Variants in RP1 observed in about 807,000 individuals in gnomAD.
The protein encoded by RP1 is RP1 axonemal microtubule associated, also known as oxygen-regulated protein 1.
A neutral mutation model predicts 14.8 loss-of-function variants in RP1; 16 were observed. The observed-to-expected ratio is 1.08, with a 90% confidence interval of 0.73 to 1.65. The LOEUF (loss-of-function observed/expected upper bound fraction) is 1.65. Among genes scored for constraint, RP1 ranks in the 40% most tolerant of loss-of-function variants. RP1 has a pLI of 0.00. For missense variants in RP1, 2,631 were observed against 2,535.0 expected, an observed-to-expected ratio of 1.04 and a Z score of -0.81; for synonymous variants, 876 against 883.6, an observed-to-expected ratio of 0.99 and a Z score of 0.15.
intron 27 of RP1, among the ~76,000 whole-genome samples, chr8:54,863,016 C>A (rs1812379829): frequency 1.4e-5 from 2 of 141,144 alleles, no homozygotes; most frequent in Non-Finnish European, 1.5e-5. Flanking sequence ...TTAAGAAAGT[C>A]TTCTCTACCC....
intron 19 of RP1, among the ~76,000 whole-genome samples, chr8:54,745,527 T>C (rs933231659): frequency 6.6e-6 from 1 of 152,186 alleles, no homozygotes; most frequent in South Asian, 2.1e-4. Flanking sequence ...GTGAAACAAC[T>C]AATATTTGCT....
chr8:54,698,895 G>T lies in RP1; in HGVS notation c.1718-572G>T, dbSNP rs72650343. Among the ~76,000 whole-genome samples, 190 of 152,068 alleles carry T rather than the reference G, an allele frequency of 1.2e-3. 2 individuals carry two copies. Among genetic ancestry groups the T allele is most frequent in the Non-Finnish European group, 2.2e-3 (153 of 68,026 alleles). On this transcript the variant is annotated intron_variant, in intron 12 of 22. Transcript: ENST00000636932. Reference sequence around the variant, plus strand: ...ACACATCAAGGCCTATCGGGGGTTGGGGTCCTGGGGGAGGGATAGCATTAG... The same window carrying T: ...ACACATCAAGGCCTATCGGGGGTTGTGGTCCTGGGGGAGGGATAGCATTAG...
intron 14 of RP1, among the ~76,000 whole-genome samples, chr8:54,703,863 C>T (rs1051651302): frequency 6.6e-6 from 1 of 152,174 alleles, no homozygotes; most frequent in Non-Finnish European, 1.5e-5. Flanking sequence ...TTTCCTTAAA[C>T]TTCATCAACC....
intron 14 of RP1, among the ~76,000 whole-genome samples, chr8:54,705,201 G>T (rs1808120431): frequency 6.6e-6 from 1 of 151,960 alleles, no homozygotes; most frequent in Non-Finnish European, 1.5e-5. Flanking sequence ...TTCACCGGAA[G>T]AACTCACAGA....
At chr8:54,857,582 C>G (rs771744823) in intron 27 of RP1, among the ~76,000 whole-genome samples, 25 of 151,782 alleles carry the variant, frequency 1.6e-4, no homozygotes, top group Non-Finnish European at 2.2e-4. Flanking sequence ...ATGACTTGTA[C>G]AAGCACATGA....
downstream of RP1, among the ~76,000 whole-genome samples, chr8:54,771,936 T>C (rs1022901431): frequency 6.6e-6 from 1 of 152,066 alleles, no homozygotes; most frequent in Admixed American, 6.5e-5. Flanking sequence ...TTTATGCCCT[T>C]CTATGTAGCT....
intron 25 of RP1, among the ~76,000 whole-genome samples, chr8:54,846,134 A>G (rs1206310355): frequency 1.3e-5 from 2 of 152,352 alleles, no homozygotes; most frequent in African/African-American, 2.4e-5. Context: ...GAAGAAGAAT[A>G]TGAGATGACC....
At chr8:54,674,767 G>A (rs566436571) in intron 8 of RP1, among the ~76,000 whole-genome samples, 86 of 152,130 alleles carry the variant, frequency 5.7e-4, no homozygotes, top group African/African-American at 2.0e-3. Context: ...ATAAAAATAT[G>A]ACCAATATTC....
chr8:54,830,087 T>C (rs1811482735), intron 24 of RP1, among the ~76,000 whole-genome samples: 1 of 152,184 alleles, frequency 6.6e-6, no homozygotes, highest in African/African-American at 2.4e-5. Context: ...ATATTCCTAC[T>C]TATTTTTTGT....
intron 1 of RP1, among the ~76,000 whole-genome samples, chr8:54,604,925 C>G (rs950888185): frequency 2.6e-5 from 4 of 152,050 alleles, no homozygotes; most frequent in African/African-American, 7.2e-5. Flanking sequence ...TGATTCTTCT[C>G]TCTTTTCTTC....
chr8:54,653,436 C>T (rs913001031), intron 5 of RP1, among the ~76,000 whole-genome samples: 1 of 152,168 alleles, frequency 6.6e-6, no homozygotes, highest in Non-Finnish European at 1.5e-5. Flanking sequence ...GGTGTATTTA[C>T]ACCTTCTGTC....
At chr8:54,676,177 C>T (rs1229459452) in intron 8 of RP1, among the ~76,000 whole-genome samples, 1 of 152,142 alleles carries the variant, frequency 6.6e-6, no homozygotes, top group African/African-American at 2.4e-5. Flanking sequence ...CCCATCCCAG[C>T]ACCATCCTAA....
chr8:54,609,111 C>T (rs1805529398), intron 1 of RP1, among the ~76,000 whole-genome samples: 2 of 152,078 alleles, frequency 1.3e-5, no homozygotes, highest in Admixed American at 6.5e-5. Flanking sequence ...GAAATGGTCC[C>T]ATTCCATCAG....
At chr8:54,617,936 T>C (rs1805759686) in intron 1 of RP1, among the ~76,000 whole-genome samples, 1 of 152,192 alleles carries the variant, frequency 6.6e-6, no homozygotes, top group South Asian at 2.1e-4. Context: ...CTTTATCATG[T>C]TCTGGGTTTT....
chr8:54,769,727 CTCTTTT>C (rs1468138222), intron 22 of RP1: 1 of 1,488,268 alleles, frequency 6.7e-7, no homozygotes, highest in African/African-American at 1.4e-5. Flanking sequence ...TTCTCTCTCT[CTCTTTT>C]TCCTCAGATG....
intron 19 of RP1, among the ~76,000 whole-genome samples, chr8:54,747,954 A>C (rs925853663): frequency 2.0e-5 from 3 of 152,270 alleles, no homozygotes; most frequent in African/African-American, 7.2e-5. Flanking sequence ...CTGCCTCTGC[A>C]GCACATGTTT....
intron 24 of RP1, among the ~76,000 whole-genome samples, chr8:54,813,763 G>A (rs1391941461): frequency 6.6e-6 from 1 of 152,210 alleles, no homozygotes; most frequent in South Asian, 2.1e-4. Context: ...AAATGCAGGG[G>A]CTGGAAAGAT....
chr8:54,737,005 C>T (rs1298720441), intron 18 of RP1, among the ~76,000 whole-genome samples: 3 of 152,146 alleles, frequency 2.0e-5, no homozygotes, highest in Non-Finnish European at 2.9e-5. Flanking sequence ...TTTTCATTGG[C>T]ATCATTTGCC....
intron 3 of RP1, among the ~76,000 whole-genome samples, chr8:54,624,243 G>C (rs1304781264): frequency 6.6e-6 from 1 of 151,888 alleles, no homozygotes; most frequent in East Asian, 1.9e-4. Flanking sequence ...AGATCGACGA[G>C]ACCATCCTGG....
Sources: gnomAD v4.1 joint callset for allele counts (sites outside exome capture counted in the v4.1 genomes callset) on GRCh38, gnomAD v4.1.1 for gene constraint, MANE v1.5 for transcripts, NCBI Gene and HGNC (gene_info 2026-07-23, HGNC 2026-07-21) for gene names.